Variants in TENM3 observed in about 807,000 individuals in gnomAD.
TENM3 encodes teneurin-3.
A neutral mutation model predicts 255.1 loss-of-function variants in TENM3; 63 were observed. The ratio of observed to expected loss-of-function variants is 0.25; its 90% CI spans 0.20 to 0.30. The LOEUF (loss-of-function observed/expected upper bound fraction) is 0.30, where lower values mean the gene tolerates loss of function less well. Among genes scored for constraint, TENM3 ranks in the 10% least tolerant of loss-of-function variants. TENM3 has a pLI of 1.00. For missense variants in TENM3, 2,929 were observed against 3,461.1 expected (o/e 0.85, Z 3.86); for synonymous variants, 1,306 against 1,322.3 (o/e 0.99, Z 0.27).
chr4:182,246,916 CT>C (rs1561239170), intron 1 of TENM3, among the ~76,000 whole-genome samples: 1 of 152,088 alleles, frequency 6.6e-6, no homozygotes, highest in Non-Finnish European at 1.5e-5. Flanking sequence ...GAGGTAGTGA[CT>C]GGGAGTGGAG....
chr4:181,750,559 T>C, the TENM3 span, among the ~76,000 whole-genome samples: 1 of 152,216 alleles, frequency 6.6e-6, no homozygotes, highest in Non-Finnish European at 1.5e-5. Flanking sequence ...AAACTTTTTG[T>C]TGTGTCAGGT....
intron 3 of TENM3, among the ~76,000 whole-genome samples, chr4:182,517,143 A>C (rs1356441555): frequency 6.6e-6 from 1 of 152,168 alleles, no homozygotes; most frequent in African/African-American, 2.4e-5. Flanking sequence ...AACTTCTTTC[A>C]TCACTTTTAC....
chr4:181,783,280 A>G, the TENM3 span, among the ~76,000 whole-genome samples: 2 of 152,028 alleles, frequency 1.3e-5, no homozygotes, highest in Admixed American at 1.3e-4. Context: ...GTCTCTGAGG[A>G]CTTGCTTTAT....
chr4:181,742,172 A>T, the TENM3 span, among the ~76,000 whole-genome samples: 3 of 141,058 alleles, frequency 2.1e-5, no homozygotes, highest in African/African-American at 7.4e-5. Flanking sequence ...TTTTACCTTT[A>T]AAAAAAACAG....
At chr4:182,610,744 CTTTTTTTT>C (rs34833684) in intron 4 of TENM3, among the ~76,000 whole-genome samples, 1 of 134,452 alleles carries the variant, frequency 7.4e-6, no homozygotes, top group South Asian at 2.4e-4. Flanking sequence ...ACTAAAGTTA[CTTTTTTTT>C]TTTTTTTTTG....
chr4:181,570,653 G>GCAA, the TENM3 span, among the ~76,000 whole-genome samples: 1 of 127,152 alleles, frequency 7.9e-6, no homozygotes, highest in Admixed American at 8.0e-5. Flanking sequence ...AGAGAAAGAA[G>GCAA]GAAAGCAAGC....
chr4:182,274,814 G>T (rs1231047254), intron 1 of TENM3, among the ~76,000 whole-genome samples: 3 of 151,974 alleles, frequency 2.0e-5, no homozygotes, highest in Admixed American at 2.0e-4. Flanking sequence ...TTATTTGTTG[G>T]TTTAGTATTT....
At chr4:181,609,064 T>C in the TENM3 span, among the ~76,000 whole-genome samples, 1 of 151,964 alleles carries the variant, frequency 6.6e-6, no homozygotes, top group African/African-American at 2.4e-5. Flanking sequence ...GTGCAAACCT[T>C]TGCAAAAGGA....
chr4:182,658,751 A>G (rs1753971690), intron 6 of TENM3, among the ~76,000 whole-genome samples: 1 of 152,230 alleles, frequency 6.6e-6, no homozygotes, highest in African/African-American at 2.4e-5. Context: ...TTGCTTTCAG[A>G]TGTTAACCAA....
At chr4:182,467,229 G>A (rs1325495123) in intron 3 of TENM3, among the ~76,000 whole-genome samples, 1 of 152,158 alleles carries the variant, frequency 6.6e-6, no homozygotes, top group Admixed American at 6.5e-5. Flanking sequence ...TAAACTTTAT[G>A]TGAGTATGGT....
At chr4:182,668,620 T>C (rs6841901) in intron 6 of TENM3, among the ~76,000 whole-genome samples, 36,199 of 152,072 alleles carry the variant, frequency 0.24, 4,598 homozygotes, top group Admixed American at 0.39. Flanking sequence ...AAAGAACCAC[T>C]GGTTAAATTA....
At chr4:181,777,225 T>A in the TENM3 span, among the ~76,000 whole-genome samples, 1 of 152,088 alleles carries the variant, frequency 6.6e-6, no homozygotes, top group African/African-American at 2.4e-5. Flanking sequence ...GCTAGAAGTA[T>A]GTGGGTTTAT....
chr4:182,778,091 T>C (rs1764847242), intron 24 of TENM3, among the ~76,000 whole-genome samples: 1 of 150,230 alleles, frequency 6.7e-6, no homozygotes. Flanking sequence ...AAAAGACACA[T>C]AGATAGCAGT....
rs146413778 is a variant in TENM3 at position 182,531,963 on chromosome 4, A to G, written c.512-68961A>G. Among the ~76,000 whole-genome samples the G allele has an allele frequency of 7.9e-5, 12 of 152,308 alleles. 1 individual carries two copies. In the East Asian group the frequency reaches 2.3e-3, roughly 29 times the overall value. On this transcript the variant is annotated intron_variant, in intron 3 of 27. Coordinates refer to ENST00000511685, the MANE Select transcript of TENM3 (RefSeq NM_001080477.4). ...AGACACCAGCCACGGCTAGCCTTGC[A>G]AGCAGGCCTTTTAAAGCCGTCTCGG... is the stretch of plus-strand genomic sequence containing the variant.
intron 3 of TENM3, among the ~76,000 whole-genome samples, chr4:182,557,432 C>G (rs541500006): frequency 6.6e-6 from 1 of 152,212 alleles, no homozygotes; most frequent in South Asian, 2.1e-4. Context: ...TCAAATAAAC[C>G]AGGGCTCAGC....
chr4:181,513,619 C>T, the TENM3 span, among the ~76,000 whole-genome samples: 3 of 152,196 alleles, frequency 2.0e-5, no homozygotes, highest in African/African-American at 7.2e-5. Context: ...TTATTGCAAA[C>T]TTCTGGCCTA....
the TENM3 span, among the ~76,000 whole-genome samples, chr4:182,092,778 C>A: frequency 6.6e-6 from 1 of 152,158 alleles, no homozygotes; most frequent in African/African-American, 2.4e-5. Context: ...GAAATGAAAT[C>A]TTTAGTCAGT....
At chr4:181,849,943 TCTCTCTCACACA>T in the TENM3 span, among the ~76,000 whole-genome samples, 4 of 42,928 alleles carry the variant, frequency 9.3e-5, no homozygotes, top group African/African-American at 1.6e-4. Context: ...TCTCTCTCTC[TCTCTCTCACACA>T]CACACACACA....
the TENM3 span, among the ~76,000 whole-genome samples, chr4:181,803,945 A>G: frequency 7.5e-6 from 1 of 133,800 alleles, no homozygotes; most frequent in Admixed American, 7.7e-5. Context: ...TCAACAAAAA[A>G]AAAAAAAAGA....
Sources: gnomAD v4.1 joint callset for allele counts (sites outside exome capture counted in the v4.1 genomes callset) on GRCh38, gnomAD v4.1.1 for gene constraint, MANE v1.5 for transcripts, NCBI Gene and HGNC (gene_info 2026-07-23, HGNC 2026-07-21) for gene names.